Variants in KIZ observed in about 807,000 individuals in gnomAD.
The protein encoded by KIZ is centrosomal protein kizuna.
KIZ carries 68 observed loss-of-function variants against 79.6 expected under a neutral mutation model. That is an observed-to-expected ratio of 0.85 (90% CI 0.70 to 1.05). The LOEUF (loss-of-function observed/expected upper bound fraction) is 1.05. Ranked by LOEUF, KIZ falls within the 50% of genes least tolerant of loss-of-function variation. The pLI, the probability that KIZ is intolerant of heterozygous loss-of-function variation, is 0.00. For synonymous variants in KIZ, 280 were observed against 281.8 expected, an observed-to-expected ratio of 0.99 and a Z score of 0.06; for missense variants, 797 against 800.4, an observed-to-expected ratio of 1.00 and a Z score of 0.05.
At chr20:21,166,802 A>T (rs2033963566) in intron 6 of KIZ, among the ~76,000 whole-genome samples, 1 of 152,128 alleles carries the variant, frequency 6.6e-6, no homozygotes, top group Non-Finnish European at 1.5e-5. Context: ...TATGTTGGCC[A>T]GGCTGGTCTT....
At chr20:21,235,036 A>T (rs1376717737) in intron 11 of KIZ, among the ~76,000 whole-genome samples, 1 of 152,180 alleles carries the variant, frequency 6.6e-6, no homozygotes, top group Non-Finnish European at 1.5e-5. Context: ...GTTGCCTGTG[A>T]TGAATGCAGA....
intron 7 of KIZ, 48 bp downstream of exon 7, chr20:21,205,632 A>C: frequency 7.6e-6 from 6 of 791,312 alleles, no homozygotes; most frequent in African/African-American, 1.8e-5. Context: ...AATGTGGACC[A>C]CAGGGTAAGG....
At chr20:21,221,313 G>C (rs2036495191) in intron 9 of KIZ, among the ~76,000 whole-genome samples, 2 of 152,190 alleles carry the variant, frequency 1.3e-5, no homozygotes, top group Non-Finnish European at 2.9e-5. Context: ...ATCTGGCACA[G>C]AGTGGGCACT....
At chr20:21,141,823 A>ACTCT (rs1229173337) in intron 3 of KIZ, among the ~76,000 whole-genome samples, 139 of 104,052 alleles carry the variant, frequency 1.3e-3, no homozygotes, top group East Asian at 8.6e-3. Flanking sequence ...ACACACACAC[A>ACTCT]CTCTCTCTCT....
At chr20:21,160,121 C>T (rs915785875) in intron 4 of KIZ, among the ~76,000 whole-genome samples, 2 of 152,206 alleles carry the variant, frequency 1.3e-5, no homozygotes, top group Non-Finnish European at 2.9e-5. Flanking sequence ...TCACCCCTGA[C>T]ACAGTTGGCA....
In KIZ at chr20:21,205,586, TA is replaced by T; in HGVS notation, c.1446+3del. The T allele has an allele frequency of 7.1e-7, 1 of 1,401,164 alleles. No homozygotes were observed. Among genetic ancestry groups the T allele is most frequent in the Non-Finnish European group, 1.0e-6 (1 of 1,004,424 alleles). The allele number at this position is 1,401,164 out of a possible 1,614,324, so 86.8% of individuals were successfully genotyped here. On this transcript the variant is annotated splice_donor_region_variant and intron_variant, in intron 7 of 12. Transcript: ENST00000619189. ...CATGATAATTCTGTCAAAGAAGAGG[TA>T]GGTAGCTAAACTGTCTGAAGTTTTC...
rs553997623 is a variant in KIZ at position 21,222,018 on chromosome 20, G to A, written c.1678+6370G>A. On this transcript the variant is annotated intron_variant, in intron 9 of 12. Coordinates refer to ENST00000619189, the MANE Select transcript of KIZ (RefSeq NM_018474.6). ...CTTGTGCAAAACCAGGGGAACCACT[G>A]TGTGTTGCTGGATTGTCCATTGAAA... 2.9e-3 allele frequency among the ~76,000 whole-genome samples: 447 copies of A among 152,360 alleles called. 1 individual carries two copies. The highest frequency in any genetic ancestry group is 4.1e-3 in the Non-Finnish European group (279 of 68,034).
At chr20:21,230,152 C>T (rs2036788911) in intron 10 of KIZ, among the ~76,000 whole-genome samples, 1 of 152,180 alleles carries the variant, frequency 6.6e-6, no homozygotes, top group African/African-American at 2.4e-5. Context: ...AATTCCCAGT[C>T]CATATTCAGA....
intron 9 of KIZ, among the ~76,000 whole-genome samples, chr20:21,228,196 G>T (rs1248668974): frequency 6.6e-6 from 1 of 152,202 alleles, no homozygotes; most frequent in East Asian, 1.9e-4. Flanking sequence ...TTACATTGAA[G>T]ATGCAGACAT....
chr20:21,158,427 C>T (rs1203011994), intron 4 of KIZ: 1 of 152,176 alleles, frequency 6.6e-6, no homozygotes, highest in Non-Finnish European at 1.5e-5. Context: ...GAGAGACATA[C>T]ACTCAGGGAT....
intron 7 of KIZ, among the ~76,000 whole-genome samples, chr20:21,206,465 G>A (rs1030842715): frequency 1.3e-5 from 2 of 152,102 alleles, no homozygotes; most frequent in Admixed American, 6.5e-5. Context: ...TTGATGGTAC[G>A]AGTTGGGGGT....
intron 9 of KIZ, among the ~76,000 whole-genome samples, chr20:21,219,451 G>T (rs945014745): frequency 6.6e-5 from 10 of 152,066 alleles, no homozygotes; most frequent in Admixed American, 3.9e-4. Flanking sequence ...CCAAGTAGCT[G>T]GGACTACAGG....
chr20:21,135,101 C>T, intron 2 of KIZ, among the ~76,000 whole-genome samples: 1 of 152,164 alleles, frequency 6.6e-6, no homozygotes, highest in East Asian at 1.9e-4. Context: ...TTACTTATTT[C>T]ATTGTTTTCT....
At chr20:21,162,743 T>C (rs910706626) in intron 5 of KIZ, 107 bp from the exon 6 acceptor site, 11 of 899,298 alleles carry the variant, frequency 1.2e-5, no homozygotes, top group South Asian at 5.3e-5. Flanking sequence ...ATGAATTGTG[T>C]GTGGGTTGCT....
chr20:21,159,820 C>T (rs1459384560), intron 4 of KIZ, among the ~76,000 whole-genome samples: 1 of 152,188 alleles, frequency 6.6e-6, no homozygotes, highest in Non-Finnish European at 1.5e-5. Context: ...TTGCTATGCA[C>T]ATCCTTTTAC....
intron 9 of KIZ, among the ~76,000 whole-genome samples, chr20:21,222,020 G>A (rs2036518263): frequency 6.6e-6 from 1 of 152,232 alleles, no homozygotes; most frequent in African/African-American, 2.4e-5. Context: ...GAACCACTGT[G>A]TGTTGCTGGA....
At chr20:21,134,021 T>C (rs1459326495) in intron 2 of KIZ, among the ~76,000 whole-genome samples, 1 of 152,182 alleles carries the variant, frequency 6.6e-6, no homozygotes, top group African/African-American at 2.4e-5. Context: ...ACGGCAGCCC[T>C]GAAATGCCAA....
At chr20:21,144,855 C>T (rs1468533701) in intron 3 of KIZ, among the ~76,000 whole-genome samples, 2 of 152,102 alleles carry the variant, frequency 1.3e-5, no homozygotes, top group Non-Finnish European at 2.9e-5. Context: ...CAATCCATGA[C>T]TTTTTTAAGG....
intron 2 of KIZ, among the ~76,000 whole-genome samples, chr20:21,132,527 C>T (rs779694869): frequency 2.0e-5 from 3 of 151,864 alleles, no homozygotes; most frequent in Non-Finnish European, 4.4e-5. Flanking sequence ...GTGATCCCCA[C>T]GCTTCTGTCT....
Sources: allele counts gnomAD v4.1 joint callset (sites outside exome capture counted in the v4.1 genomes callset), GRCh38; gene constraint gnomAD v4.1.1; transcripts MANE v1.5; gene names NCBI Gene and HGNC (gene_info 2026-07-23, HGNC 2026-07-21).